The following RASAL2 variants were observed in gnomAD, a reference collection of about 807,000 sequenced individuals.
RASAL2 encodes RAS protein activator like 2.
In RASAL2, 58 loss-of-function variants were observed where a neutral mutation model predicts 128.9. The ratio of observed to expected loss-of-function variants is 0.45; its 90% confidence interval spans 0.36 to 0.56. RASAL2 has a LOEUF of 0.56. Ranked by LOEUF, RASAL2 falls within the 20% of genes least tolerant of loss-of-function variation. The pLI is 0.00. For missense variants in RASAL2, 1,360 were observed against 1,601.6 expected (o/e 0.85, Z 2.57); for synonymous variants, 561 against 580.8 (o/e 0.97, Z 0.49).
chr1:178,411,408 G>GGAGATGGGTGA (rs1475780251), intron 4 of RASAL2, among the ~76,000 whole-genome samples: 1 of 152,082 alleles, frequency 6.6e-6, no homozygotes, highest in East Asian at 1.9e-4. Flanking sequence ...AGGAAGGGTG[G>GGAGATGGGTGA]GAGATGGGTG....
At chr1:178,182,178 A>G (rs1009310649) in intron 1 of RASAL2, among the ~76,000 whole-genome samples, 2 of 152,202 alleles carry the variant, frequency 1.3e-5, no homozygotes, top group African/African-American at 2.4e-5. Flanking sequence ...TTACTATCCA[A>G]TAGTTCTTTA....
chr1:178,217,513 A>G (rs1420763348), intron 1 of RASAL2, among the ~76,000 whole-genome samples: 6 of 152,196 alleles, frequency 3.9e-5, no homozygotes, highest in Non-Finnish European at 8.8e-5. Context: ...TTGACAAGCT[A>G]CAGGCATACT....
chr1:178,235,068 C>T (rs533461923), intron 1 of RASAL2, among the ~76,000 whole-genome samples: 1 of 152,248 alleles, frequency 6.6e-6, no homozygotes, highest in Non-Finnish European at 1.5e-5. Context: ...GAAAATCTTC[C>T]TCCTTGATGT....
At chr1:178,270,648 A>C (rs200102500) in intron 1 of RASAL2, among the ~76,000 whole-genome samples, 2 of 121,934 alleles carry the variant, frequency 1.6e-5, no homozygotes, top group African/African-American at 3.2e-5. Flanking sequence ...TTTTATGTCT[A>C]TATTCTTCTG....
At chr1:178,353,876 G>A (rs1670652908) in intron 3 of RASAL2, among the ~76,000 whole-genome samples, 2 of 152,088 alleles carry the variant, frequency 1.3e-5, no homozygotes, top group Non-Finnish European at 2.9e-5. Context: ...GGCTGAGGTG[G>A]GTGGATCACT....
chr1:178,248,445 A>G (rs1392114177), intron 1 of RASAL2, among the ~76,000 whole-genome samples: 1 of 152,020 alleles, frequency 6.6e-6, no homozygotes, highest in Non-Finnish European at 1.5e-5. Flanking sequence ...GTGTCTTTGC[A>G]TGTGAGATAG....
chr1:178,242,422 ATTCTCTCT>A (rs1464726035), intron 1 of RASAL2, among the ~76,000 whole-genome samples: 7 of 92,076 alleles, frequency 7.6e-5, no homozygotes, highest in African/African-American at 2.8e-4. Context: ...TTTATAATTC[ATTCTCTCT>A]CTCTCTCTCT....
chr1:178,187,526 G>C (rs1338221596), intron 1 of RASAL2, among the ~76,000 whole-genome samples: 1 of 151,840 alleles, frequency 6.6e-6, no homozygotes, highest in Non-Finnish European at 1.5e-5. Flanking sequence ...TTTTCTGGTT[G>C]AAGTTCACAA....
intron 4 of RASAL2, among the ~76,000 whole-genome samples, chr1:178,402,050 A>G (rs1326349961): frequency 1.3e-5 from 2 of 152,212 alleles, no homozygotes; most frequent in African/African-American, 2.4e-5. Flanking sequence ...TTCCTCTAAC[A>G]CCTATGATTT....
intron 4 of RASAL2, among the ~76,000 whole-genome samples, chr1:178,417,562 G>A (rs1180138350): frequency 6.6e-6 from 1 of 151,988 alleles, no homozygotes; most frequent in Non-Finnish European, 1.5e-5. Context: ...GGAAGTTCAA[G>A]ACCAGCCTGA....
intron 3 of RASAL2, among the ~76,000 whole-genome samples, chr1:178,356,899 T>C (rs1421005671): frequency 6.6e-6 from 1 of 152,224 alleles, no homozygotes. Flanking sequence ...ACATTTTTAT[T>C]TCATCATATC....
intron 1 of RASAL2, among the ~76,000 whole-genome samples, chr1:178,263,669 C>T (rs1360378900): frequency 1.3e-5 from 2 of 152,146 alleles, no homozygotes; most frequent in African/African-American, 2.4e-5. Flanking sequence ...CAGTTTGACT[C>T]TGAGCCTCCC....
intron 3 of RASAL2, among the ~76,000 whole-genome samples, chr1:178,302,046 C>T (rs934294510): frequency 1.3e-5 from 2 of 152,086 alleles, no homozygotes; most frequent in African/African-American, 2.4e-5. Flanking sequence ...AAGCTATCCT[C>T]GTAAATATTA....
chr1:178,193,776 G>T (rs548538322), intron 1 of RASAL2, among the ~76,000 whole-genome samples: 18 of 14,752 alleles, frequency 1.2e-3, no homozygotes, highest in Non-Finnish European at 3.4e-3. Context: ...TTGACACAAA[G>T]AATTTTTTTT....
chr1:178,387,811 A>G (rs1447955490), intron 3 of RASAL2, among the ~76,000 whole-genome samples: 1 of 152,212 alleles, frequency 6.6e-6, no homozygotes, highest in Non-Finnish European at 1.5e-5. Context: ...GAAGTATAAC[A>G]ATACCATATT....
chr1:178,277,040 C>T (rs371500205), intron 1 of RASAL2, among the ~76,000 whole-genome samples: 6 of 143,894 alleles, frequency 4.2e-5, no homozygotes, highest in African/African-American at 1.0e-4. Flanking sequence ...CTCAGCTACT[C>T]GGGAGGCTGA....
chr1:178,321,880 C>T (rs1232946466), intron 3 of RASAL2, among the ~76,000 whole-genome samples: 2 of 151,292 alleles, frequency 1.3e-5, no homozygotes, highest in African/African-American at 2.4e-5. Context: ...CCCAACTACT[C>T]GGGAGGCTGA....
rs112167769 is a variant in RASAL2 at position 178,472,597 on chromosome 1, A to T, written c.3679-478A>T. Among the ~76,000 whole-genome samples, 556 of 152,306 alleles carry T rather than the reference A, an allele frequency of 3.7e-3. 2 individuals are homozygous for T. The highest frequency in any genetic ancestry group is 0.012 in the African/African-American group (517 of 41,558). ...TGTTTTAATTTTGAGCACAATGTGA[A>T]TTCCTTCCAAATGTGACTGATATGC... On this transcript the variant is annotated intron_variant, in intron 17 of 17. Transcript: ENST00000367649.
At chr1:178,365,617 A>G (rs1347359332) in intron 3 of RASAL2, among the ~76,000 whole-genome samples, 2 of 152,082 alleles carry the variant, frequency 1.3e-5, no homozygotes, top group African/African-American at 4.8e-5. Flanking sequence ...GATTACAGGC[A>G]CGCACCACTA....
Sources: gnomAD v4.1 joint callset for allele counts (sites outside exome capture counted in the v4.1 genomes callset) on GRCh38, gnomAD v4.1.1 for gene constraint, MANE v1.5 for transcripts, NCBI Gene and HGNC (gene_info 2026-07-23, HGNC 2026-07-21) for gene names.